Variants in RABGAP1L observed in about 807,000 individuals in gnomAD.
RABGAP1L encodes the protein RAB GTPase activating protein 1 like.
In RABGAP1L, 63 loss-of-function variants were observed where a neutral mutation model predicts 137.7. The observed-to-expected ratio is 0.46, with a 90% CI of 0.37 to 0.56. RABGAP1L has a LOEUF of 0.56. RABGAP1L is among the 20% of genes least tolerant of loss of function. The probability of loss-of-function intolerance (pLI) is 0.00; values close to 1 mark genes in which losing one functional copy is unlikely to be tolerated. For synonymous variants in RABGAP1L, 431 were observed against 433.7 expected, an observed-to-expected ratio of 0.99 and a Z score of 0.08; for missense variants, 1,095 against 1,244.0, an observed-to-expected ratio of 0.88 and a Z score of 1.80.
At chr1:174,765,734 C>A (rs182441540) in intron 18 of RABGAP1L, among the ~76,000 whole-genome samples, 53 of 152,186 alleles carry the variant, frequency 3.5e-4, no homozygotes, top group African/African-American at 1.2e-3. Context: ...CTTTGAAACA[C>A]AAACATTTTT....
chr1:174,948,132 A>T (rs1667161232), intron 19 of RABGAP1L, among the ~76,000 whole-genome samples: 1 of 152,230 alleles, frequency 6.6e-6, no homozygotes, highest in African/African-American at 2.4e-5. Flanking sequence ...TGAACAAAAA[A>T]AAAATGAGAA....
At chr1:174,531,780 A>T (rs1000186772) in intron 13 of RABGAP1L, among the ~76,000 whole-genome samples, 2 of 151,838 alleles carry the variant, frequency 1.3e-5, no homozygotes, top group Non-Finnish European at 2.9e-5. Context: ...AAAACATATT[A>T]TTGAGTAATT....
At chr1:174,284,095 G>T (rs576241127) in intron 10 of RABGAP1L, among the ~76,000 whole-genome samples, 1 of 152,132 alleles carries the variant, frequency 6.6e-6, no homozygotes, top group African/African-American at 2.4e-5. Flanking sequence ...GTCACCTCAC[G>T]TAAGTTACCT....
At chr1:174,902,228 G>A (rs1221146469) in intron 19 of RABGAP1L, among the ~76,000 whole-genome samples, 2 of 152,172 alleles carry the variant, frequency 1.3e-5, no homozygotes. Flanking sequence ...TGCTGTGTTG[G>A]AGGAGGTCCC....
At chr1:174,394,329 A>G (rs1647553062) in intron 13 of RABGAP1L, among the ~76,000 whole-genome samples, 184 bp downstream of exon 13, 1 of 152,222 alleles carries the variant, frequency 6.6e-6, no homozygotes, top group Non-Finnish European at 1.5e-5. Flanking sequence ...TTAGTCATCT[A>G]TGAACATTGT....
At chr1:174,521,155 T>C (rs1266318411) in intron 13 of RABGAP1L, among the ~76,000 whole-genome samples, 1 of 152,148 alleles carries the variant, frequency 6.6e-6, no homozygotes, top group Non-Finnish European at 1.5e-5. Context: ...ACCTTAATTA[T>C]AGGCTAAAGA....
chr1:174,304,463 A>G (rs997638912), intron 10 of RABGAP1L, among the ~76,000 whole-genome samples: 9 of 151,890 alleles, frequency 5.9e-5, no homozygotes, highest in African/African-American at 2.2e-4. Context: ...ATATATATTT[A>G]TATATGTAAC....
intron 19 of RABGAP1L, among the ~76,000 whole-genome samples, chr1:174,916,056 C>G (rs1660813350): frequency 2.2e-5 from 3 of 135,308 alleles, no homozygotes; most frequent in Admixed American, 7.4e-5. Flanking sequence ...ATATTTAAGT[C>G]TATAATAAAT....
chr1:174,430,902 T>C (rs1438596615), intron 13 of RABGAP1L, among the ~76,000 whole-genome samples: 1 of 152,206 alleles, frequency 6.6e-6, no homozygotes, highest in Admixed American at 6.5e-5. Flanking sequence ...AACTGAGTCA[T>C]AGATGTTGCA....
intron 19 of RABGAP1L, among the ~76,000 whole-genome samples, chr1:174,943,089 C>T (rs1199806753): frequency 2.6e-5 from 4 of 152,096 alleles, no homozygotes; most frequent in African/African-American, 7.2e-5. Flanking sequence ...TCCTGTGTAC[C>T]TCTCGTACTC....
At chr1:174,381,410 A>G (rs1363937824) in intron 12 of RABGAP1L, among the ~76,000 whole-genome samples, 1 of 131,496 alleles carries the variant, frequency 7.6e-6, no homozygotes, top group Non-Finnish European at 1.6e-5. Context: ...CCCATTATTA[A>G]TGTGTGGGAG....
chr1:174,345,864 G>C (rs1417774764), intron 11 of RABGAP1L, among the ~76,000 whole-genome samples: 1 of 152,134 alleles, frequency 6.6e-6, no homozygotes, highest in Non-Finnish European at 1.5e-5. Context: ...CATTCACAGT[G>C]ATACTAGCTG....
intron 13 of RABGAP1L, among the ~76,000 whole-genome samples, chr1:174,434,463 A>G (rs1366592197): frequency 6.6e-6 from 1 of 152,166 alleles, no homozygotes; most frequent in Admixed American, 6.5e-5. Flanking sequence ...TTTGTGGACA[A>G]TATGTTTTCC....
At chr1:174,317,951 C>T (rs1294150537) in intron 11 of RABGAP1L, among the ~76,000 whole-genome samples, 1 of 152,038 alleles carries the variant, frequency 6.6e-6, no homozygotes, top group Non-Finnish European at 1.5e-5. Flanking sequence ...CCCACAGTTG[C>T]TGTGTTCTCC....
intron 14 of RABGAP1L, among the ~76,000 whole-genome samples, chr1:174,656,776 G>T (rs1335787429): frequency 6.6e-6 from 1 of 152,156 alleles, no homozygotes; most frequent in Admixed American, 6.5e-5. Flanking sequence ...ATCTCTGCTT[G>T]GTGGTCAGCT....
At chr1:174,384,403 A>T (rs1398901545) in intron 12 of RABGAP1L, among the ~76,000 whole-genome samples, 1 of 152,134 alleles carries the variant, frequency 6.6e-6, no homozygotes, top group East Asian at 1.9e-4. Flanking sequence ...TAAAAATGTG[A>T]ATTTTACTCT....
At chr1:174,758,589 C>T (rs1684964031) in intron 18 of RABGAP1L, among the ~76,000 whole-genome samples, 1 of 152,092 alleles carries the variant, frequency 6.6e-6, no homozygotes, top group Admixed American at 6.6e-5. Flanking sequence ...ATAATGGCCT[C>T]CTCTTTCAAG....
chr1:174,272,021 A>G (rs1403522060), intron 7 of RABGAP1L, among the ~76,000 whole-genome samples: 2 of 151,840 alleles, frequency 1.3e-5, no homozygotes, highest in Non-Finnish European at 2.9e-5. Flanking sequence ...TATTTTTAAA[A>G]ACCTCGTTTT....
At chr1:174,173,106 G>C (rs552832314) in intron 1 of RABGAP1L, among the ~76,000 whole-genome samples, 2 of 150,788 alleles carry the variant, frequency 1.3e-5, no homozygotes, top group South Asian at 4.2e-4. Context: ...ATGGTGTTTT[G>C]CTTTTTCCCC....
Sources: gnomAD v4.1 joint callset for allele counts (sites outside exome capture counted in the v4.1 genomes callset) on GRCh38, gnomAD v4.1.1 for gene constraint, MANE v1.5 for transcripts, NCBI Gene and HGNC (gene_info 2026-07-23, HGNC 2026-07-21) for gene names.